The following KANSL1 variants were observed in gnomAD, a reference collection of about 807,000 sequenced individuals.
KANSL1 encodes the protein KAT8 regulatory NSL complex subunit 1, also known as MLL1/MLL complex subunit KANSL1.
Under a neutral mutation model 103.6 loss-of-function variants are expected in KANSL1, and 22 were observed. The ratio of observed to expected loss-of-function variants is 0.21; its 90% CI spans 0.15 to 0.30. The LOEUF (loss-of-function observed/expected upper bound fraction) is 0.30. Ranked by LOEUF, KANSL1 falls within the 10% of genes least tolerant of loss-of-function variation. The pLI is 1.00. For missense variants in KANSL1, 1,337 were observed against 1,399.8 expected (o/e 0.96, Z 0.72); for synonymous variants, 600 against 527.6 (o/e 1.14, Z -1.88).
intron 1 of KANSL1, among the ~76,000 whole-genome samples, chr17:46,217,534 G>A (rs1245791069): frequency 6.6e-6 from 1 of 151,936 alleles, no homozygotes. Flanking sequence ...TCATCAGAGA[G>A]GACTCTAATC....
rs1362252302 is a variant in KANSL1, at chr17:46,032,037, C to A, written c.3090+10G>T. 1.2e-6 allele frequency: 2 copies of A among 1,614,010 alleles called. No homozygotes were observed. The highest frequency in any genetic ancestry group is 8.5e-7 in the Non-Finnish European group (1 of 1,180,004). ...CCATGCCAACCCCACCCAAAGGCTG[C>A]GTCCCTTACCTGTTCATCCAGCCCC... On this transcript the variant is annotated intron_variant, in intron 14 of 14. Coordinates refer to ENST00000432791, the MANE Select transcript of KANSL1 (RefSeq NM_015443.4).
At chr17:46,098,115 TGATCTCAAGAGATC>T (rs2042159844) in intron 2 of KANSL1, among the ~76,000 whole-genome samples, 1 of 149,850 alleles carries the variant, frequency 6.7e-6, no homozygotes, top group African/African-American at 2.6e-5. Flanking sequence ...ATCCAGGAAA[TGATCTCAAGAGATC>T]AATAAGAAAC....
At chr17:46,059,647 A>AAAAGAGAGAGAGAG (rs541946204) in intron 6 of KANSL1, among the ~76,000 whole-genome samples, 28 of 54,878 alleles carry the variant, frequency 5.1e-4, no homozygotes, top group Admixed American at 1.0e-3. Flanking sequence ...AAAAAAAAAA[A>AAAAGAGAGAGAGAG]AGAGAGAGAG....
At chr17:46,207,113 TA>T (rs1165060257) in intron 1 of KANSL1, among the ~76,000 whole-genome samples, 2 of 150,940 alleles carry the variant, frequency 1.3e-5, no homozygotes, top group Non-Finnish European at 3.0e-5. Context: ...TTAATAATAA[TA>T]AAAAAAAACA....
chr17:46,198,038 A>C (rs751922075), upstream of KANSL1, among the ~76,000 whole-genome samples: 16 of 152,356 alleles, frequency 1.1e-4, 1 homozygote, highest in South Asian at 1.4e-3. Context: ...TAGTTTCAAA[A>C]GCACAGGGGC....
intron 2 of KANSL1, among the ~76,000 whole-genome samples, chr17:46,095,164 G>A (rs2042007985): frequency 6.6e-6 from 1 of 152,120 alleles, no homozygotes; most frequent in African/African-American, 2.4e-5. Context: ...CAAAACTAAT[G>A]ATATATTAAA....
chr17:46,193,780 G>A (rs1196322372), upstream of KANSL1: 2 of 171,340 alleles, frequency 1.2e-5, no homozygotes, highest in East Asian at 1.9e-4. Flanking sequence ...CATGCCCTCC[G>A]TGCTGGGGCC....
At chr17:46,222,857 ATTT>A (rs2048574631) in intron 1 of KANSL1, 1 of 149,538 alleles carries the variant, frequency 6.7e-6, no homozygotes, top group Non-Finnish European at 1.5e-5. Flanking sequence ...GTTTGTTTTT[ATTT>A]AATTTTTTTT....
chr17:46,068,753 T>G (rs1404675224), intron 4 of KANSL1, among the ~76,000 whole-genome samples: 1 of 152,146 alleles, frequency 6.6e-6, no homozygotes, highest in African/African-American at 2.4e-5. Context: ...AGAAAAAGTG[T>G]GATTTGCAGT....
chr17:46,072,746 T>C (rs1336246339), intron 4 of KANSL1, among the ~76,000 whole-genome samples: 1 of 152,222 alleles, frequency 6.6e-6, no homozygotes, highest in African/African-American at 2.4e-5. Context: ...TGTGCCTCAC[T>C]TTCCGGCTTC....
At chr17:46,046,620 G>C (rs535657633) in intron 7 of KANSL1, among the ~76,000 whole-genome samples, 1 of 146,336 alleles carries the variant, frequency 6.8e-6, no homozygotes, top group Admixed American at 6.9e-5. Flanking sequence ...GGTGGATCAC[G>C]AGGTCAGGAG....
intron 3 of KANSL1, among the ~76,000 whole-genome samples, chr17:46,092,713 TTTG>T (rs2079448661): frequency 2.5e-5 from 1 of 40,286 alleles, no homozygotes. Flanking sequence ...TTTTTTTTTT[TTTG>T]GGGGGGGGGG....
At chr17:46,183,188 G>A (rs1351964924) in intron 1 of KANSL1, among the ~76,000 whole-genome samples, 1 of 152,216 alleles carries the variant, frequency 6.6e-6, no homozygotes, top group Non-Finnish European at 1.5e-5. Context: ...AGTTACTCAG[G>A]AGGCAGGAGG....
At chr17:46,213,718 G>C (rs1370867193) in intron 1 of KANSL1, among the ~76,000 whole-genome samples, 1 of 150,980 alleles carries the variant, frequency 6.6e-6, no homozygotes, top group African/African-American at 2.4e-5. Flanking sequence ...AGGAGTTCAA[G>C]ACCAGCCTGG....
At position 46,094,600 on chromosome 17, in the gene KANSL1, C is replaced by T. The variant is rs769289937; in HGVS notation, c.1391G>A (p.Arg464His). 14 of 1,613,732 alleles carry T rather than the reference C, an allele frequency of 8.7e-6. No individual in the cohort carries two copies. Among genetic ancestry groups the T allele is most frequent in the Non-Finnish European group, 1.2e-5 (14 of 1,180,008 alleles). The part of the protein sequence containing the change: ...AHVSDLEYRI[R>H]QQTDIYKQIR... ...CTGTTTGTAAATGTCTGTTTGCTGA[C>T]GAATTCGATATTCCAAGTCAGAAAC... Residue 464 changes from arginine to histidine, a missense_variant, in exon 3 of 15, where the codon CGT becomes CAT. Physicochemically the swap from Arg to His is conservative, Grantham distance 29 (BLOSUM62 0). Around this residue, in one of 2 missense-constraint regions of KANSL1, gnomAD observed 780 missense variants for 923.4 expected, o/e 0.84. Coordinates refer to ENST00000432791, the MANE Select transcript of KANSL1 (RefSeq NM_015443.4).
chr17:46,110,067 G>C (rs534770606), intron 2 of KANSL1, among the ~76,000 whole-genome samples: 1 of 152,122 alleles, frequency 6.6e-6, no homozygotes. Context: ...CTACTGACAG[G>C]AACAAGTGAC....
chr17:46,127,997 G>A (rs1555558560), intron 2 of KANSL1, among the ~76,000 whole-genome samples: 1 of 147,180 alleles, frequency 6.8e-6, no homozygotes, highest in South Asian at 2.1e-4. Flanking sequence ...TTTTTTTTTG[G>A]TACAAACAAA....
intron 2 of KANSL1, among the ~76,000 whole-genome samples, chr17:46,160,482 A>G (rs1467761483): frequency 6.6e-6 from 1 of 152,090 alleles, no homozygotes; most frequent in Non-Finnish European, 1.5e-5. Flanking sequence ...TTTGTAGAGA[A>G]GGGGTTTCGC....
chr17:46,100,588 T>C (rs958049568), intron 2 of KANSL1, among the ~76,000 whole-genome samples: 3 of 152,250 alleles, frequency 2.0e-5, no homozygotes, highest in African/African-American at 7.2e-5. Context: ...AAGTTATTAA[T>C]AGTCAATGGG....
Sources: gnomAD v4.1 joint callset for allele counts (sites outside exome capture counted in the v4.1 genomes callset) on GRCh38, gnomAD v4.1.1 for gene constraint, gnomAD v4.1.1 regional missense constraint, MANE v1.5 for transcripts, NCBI Gene and HGNC (gene_info 2026-07-23, HGNC 2026-07-21) for gene names.